The following LCLAT1 variants were observed in gnomAD, a reference collection of about 807,000 sequenced individuals.
The protein encoded by LCLAT1 is lysocardiolipin acyltransferase 1, also known as 1-AGP acyltransferase 8.
A neutral mutation model predicts 30.7 loss-of-function variants in LCLAT1; 11 were observed. The observed-to-expected ratio is 0.36, with a 90% confidence interval of 0.23 to 0.59. The LOEUF (loss-of-function observed/expected upper bound fraction) is 0.59, where lower values mean the gene tolerates loss of function less well. Among genes scored for constraint, LCLAT1 ranks in the 20% least tolerant of loss-of-function variants. The pLI is 0.77. For missense variants in LCLAT1, 402 were observed against 458.6 expected (o/e 0.88, Z 1.13); for synonymous variants, 155 against 151.3 (o/e 1.02, Z -0.18).
At chr2:30,630,991 G>A (rs1001524029) in intron 5 of LCLAT1, among the ~76,000 whole-genome samples, 1 of 152,156 alleles carries the variant, frequency 6.6e-6, no homozygotes, top group African/African-American at 2.4e-5. Context: ...AGTTGTAATT[G>A]ATGATTAACT....
chr2:30,455,518 T>C (rs554228446), intron 1 of LCLAT1, among the ~76,000 whole-genome samples: 1 of 152,320 alleles, frequency 6.6e-6, no homozygotes, highest in East Asian at 1.9e-4. Context: ...TGGTGGCTGA[T>C]GGCATTCCTT....
At chr2:30,478,979 G>T (rs1452845988) in intron 1 of LCLAT1, among the ~76,000 whole-genome samples, 1 of 152,070 alleles carries the variant, frequency 6.6e-6, no homozygotes, top group Non-Finnish European at 1.5e-5. Context: ...CCTTTTTAGG[G>T]CCTTTGTTTC....
chr2:30,457,451 T>C (rs1449070079), intron 1 of LCLAT1, among the ~76,000 whole-genome samples: 1 of 152,262 alleles, frequency 6.6e-6, no homozygotes, highest in African/African-American at 2.4e-5. Flanking sequence ...TTGATGTATT[T>C]TACAACCTTG....
intron 1 of LCLAT1, among the ~76,000 whole-genome samples, chr2:30,502,460 C>G (rs568111970): frequency 5.3e-5 from 8 of 152,210 alleles, no homozygotes; most frequent in African/African-American, 1.9e-4. Context: ...CAACCATCAC[C>G]ACTGTCTAAT....
At chr2:30,490,800 T>G (rs1683801285) in intron 1 of LCLAT1, among the ~76,000 whole-genome samples, 1 of 152,232 alleles carries the variant, frequency 6.6e-6, no homozygotes. Context: ...CGCAGAAGTA[T>G]ATTAAGCAGC....
chr2:30,521,446 T>TA, intron 1 of LCLAT1, among the ~76,000 whole-genome samples: 1 of 148,372 alleles, frequency 6.7e-6, no homozygotes, highest in East Asian at 2.0e-4. Flanking sequence ...TAATGTGACC[T>TA]AACTAGGAAA....
At chr2:30,575,647 A>AT (rs1038276305) in intron 5 of LCLAT1, among the ~76,000 whole-genome samples, 30 of 151,976 alleles carry the variant, frequency 2.0e-4, no homozygotes, top group Non-Finnish European at 3.7e-4. Flanking sequence ...AAAAGAGTAC[A>AT]TTTTTTTTCT....
rs140920350 is a variant in LCLAT1, at chr2:30,552,615, A to C, written c.365-9531A>C. 2.4e-4 allele frequency: 102 copies of C among 422,962 alleles called. 3 individuals carry two copies. In the East Asian group the frequency reaches 7.1e-3, roughly 30 times the overall value. The allele number at this position is 422,962 out of a possible 1,614,324, so 26.2% of individuals were successfully genotyped here. On this transcript the variant is annotated intron_variant, in intron 3 of 5. Coordinates refer to ENST00000379509, the MANE Select transcript of LCLAT1 (RefSeq NM_001002257.3). ...CCTTCGTGGAAATTAATCATCTTAG[A>C]AGAGGGATGTGGAGAGCATTACCCA...
intron 5 of LCLAT1, among the ~76,000 whole-genome samples, chr2:30,632,036 T>G (rs1244500720): frequency 6.6e-6 from 1 of 152,180 alleles, no homozygotes; most frequent in Non-Finnish European, 1.5e-5. Context: ...TTGGGAGAGA[T>G]AAACAGCACT....
At chr2:30,622,440 A>G (rs1457730718) in intron 5 of LCLAT1, among the ~76,000 whole-genome samples, 1 of 152,118 alleles carries the variant, frequency 6.6e-6, no homozygotes, top group Non-Finnish European at 1.5e-5. Context: ...TATCCTCCCT[A>G]TGCCACCACA....
chr2:30,450,167 A>G (rs1473531384), intron 1 of LCLAT1, among the ~76,000 whole-genome samples: 1 of 152,210 alleles, frequency 6.6e-6, no homozygotes, highest in African/African-American at 2.4e-5. Context: ...CATGATAAGG[A>G]CTCAAATATA....
Position 30,562,195 on chromosome 2 carries a change from G to A in LCLAT1, c.414G>A (p.Lys138=). 6.2e-7 allele frequency: 1 copy of A among 1,613,066 alleles called. No homozygotes were observed. The highest frequency in any genetic ancestry group is 8.5e-7 in the Non-Finnish European group (1 of 1,179,238). The change falls in exon 4 of 6, where the codon AAG becomes AAA. Residue 138 remains lysine, a synonymous_variant. Coordinates refer to ENST00000379509, the MANE Select transcript of LCLAT1 (RefSeq NM_001002257.3). The part of the protein sequence containing the change: ...AAYIFIHRKW[K]DDKSHFEDMI... ...ATATCTTCATTCATAGGAAATGGAAGGATGACAAGAGCCATTTCGAAGACA... is the reference window on the plus strand; with the variant it reads ...ATATCTTCATTCATAGGAAATGGAAAGATGACAAGAGCCATTTCGAAGACA...
chr2:30,513,876 G>A (rs4951991), intron 1 of LCLAT1, among the ~76,000 whole-genome samples: 19,231 of 152,262 alleles, frequency 0.13, 1,352 homozygotes, highest in South Asian at 0.23. Context: ...CATCTTACAT[G>A]TGTTGATTGA....
chr2:30,574,416 T>C (rs1167478445), intron 5 of LCLAT1, among the ~76,000 whole-genome samples: 1 of 152,144 alleles, frequency 6.6e-6, no homozygotes, highest in Non-Finnish European at 1.5e-5. Flanking sequence ...TTGAAATATC[T>C]CCCATGGCTC....
intron 1 of LCLAT1, among the ~76,000 whole-genome samples, chr2:30,499,201 C>T (rs1023579798): frequency 2.0e-5 from 3 of 152,020 alleles, no homozygotes; most frequent in Non-Finnish European, 4.4e-5. Context: ...TTTTTGGAGA[C>T]GGAGTTTCGC....
At chr2:30,567,015 A>C (rs922587966) in intron 4 of LCLAT1, among the ~76,000 whole-genome samples, 4 of 152,208 alleles carry the variant, frequency 2.6e-5, no homozygotes, top group East Asian at 1.9e-4. Flanking sequence ...ATTTCAGTTC[A>C]CATTGAAGGC....
chr2:30,588,067 G>T (rs1027495609), intron 5 of LCLAT1, among the ~76,000 whole-genome samples: 3 of 152,208 alleles, frequency 2.0e-5, no homozygotes, highest in African/African-American at 7.2e-5. Flanking sequence ...TCTGGTAGAA[G>T]CCTTCCTTGC....
chr2:30,471,071 C>T (rs1682761068), intron 1 of LCLAT1, among the ~76,000 whole-genome samples: 1 of 151,098 alleles, frequency 6.6e-6, no homozygotes, highest in African/African-American at 2.4e-5. Context: ...CACCACCACG[C>T]CTGGCTAATT....
chr2:30,604,382 C>T lies in LCLAT1; in HGVS notation c.629-35735C>T, dbSNP rs187664078. 1.9e-3 allele frequency among the ~76,000 whole-genome samples: 294 copies of T among 152,222 alleles called. 1 individual carries two copies. Among genetic ancestry groups the T allele is most frequent in the Middle Eastern group, 0.01 (3 of 294 alleles). On this transcript the variant is annotated intron_variant, in intron 5 of 5. Transcript: ENST00000379509. ...TTTAATCAGCATTGGTAAGCGTTTTCTGTAGAGGGCCAGGTAGTAAATATT... is the reference window on the plus strand; with the variant it reads ...TTTAATCAGCATTGGTAAGCGTTTTTTGTAGAGGGCCAGGTAGTAAATATT...
Sources: gnomAD v4.1 joint callset for allele counts (sites outside exome capture counted in the v4.1 genomes callset) on GRCh38, gnomAD v4.1.1 for gene constraint, MANE v1.5 for transcripts, NCBI Gene and HGNC (gene_info 2026-07-23, HGNC 2026-07-21) for gene names.